The following ZFPM1 variants were observed in gnomAD, a reference collection of about 807,000 sequenced individuals.
ZFPM1 encodes the protein zinc finger protein, FOG family member 1, also known as zinc finger protein ZFPM1.
Under a neutral mutation model 46.3 loss-of-function variants are expected in ZFPM1, and 28 were observed. The observed-to-expected ratio is 0.60, with a 90% CI of 0.45 to 0.83. The LOEUF (loss-of-function observed/expected upper bound fraction) is 0.83. Ranked by LOEUF, ZFPM1 falls within the 40% of genes least tolerant of loss-of-function variation. ZFPM1 has a pLI of 0.00. For missense variants in ZFPM1, 1,878 were observed against 1,432.4 expected, an observed-to-expected ratio of 1.31 and a Z score of -5.02; for synonymous variants, 957 against 675.9, an observed-to-expected ratio of 1.42 and a Z score of -6.45.
At chr16:88,494,674 G>T (rs1567538263) in intron 3 of ZFPM1, among the ~76,000 whole-genome samples, 1 of 152,168 alleles carries the variant, frequency 6.6e-6, no homozygotes, top group African/African-American at 2.4e-5. Context: ...AGGCCGCAGG[G>T]CCTGAGTGGG....
intron 1 of ZFPM1, among the ~76,000 whole-genome samples, chr16:88,481,615 C>A (rs76923707): frequency 6.2e-4 from 95 of 152,192 alleles, no homozygotes; most frequent in Non-Finnish European, 9.7e-4. Flanking sequence ...TCCACTCCAC[C>A]CTGCCACAGC....
chr16:88,484,128 G>C (rs543291591), intron 1 of ZFPM1, among the ~76,000 whole-genome samples: 1 of 152,346 alleles, frequency 6.6e-6, no homozygotes, highest in South Asian at 2.1e-4. Flanking sequence ...GGGATCATGA[G>C]GGGCTGTGAA....
chr16:88,534,569 G>C lies in ZFPM1; in HGVS notation c.2611G>C (p.Glu871Gln), dbSNP rs1913129147. ...CGGCCCGGTGCGCGGGGACCTGCTG[G>C]AGCATTTCCGCCTGGCGCACGGCCT... ...PNGPVRGDLL[E>Q]HFRLAHGLLL... Residue 871 changes from glutamate (E) to glutamine (Q), a missense_variant, in exon 10 of 10, where the codon GAG (glutamate) becomes CAG (glutamine). Physicochemically the swap from Glu to Gln is conservative, Grantham distance 29 (BLOSUM62 2). Transcript: ENST00000319555. 1 of 1,308,698 alleles carries C rather than the reference G, an allele frequency of 7.6e-7. No individual in the cohort carries two copies. Among genetic ancestry groups the C allele is most frequent in the African/African-American group, 1.6e-5 (1 of 63,508 alleles). 81.1% of individuals were successfully genotyped at this position (1,308,698 alleles called of 1,614,324 possible).
intron 3 of ZFPM1, among the ~76,000 whole-genome samples, chr16:88,493,629 GTCCCGGGGTGCGGTGAGC>G (rs1385293987): frequency 2.6e-4 from 27 of 105,018 alleles, no homozygotes; most frequent in Non-Finnish European, 5.1e-4. Flanking sequence ...ACAGAGAGCT[GTCCCGGGGTGCGGTGAGC>G]TGTCCCGGGG....
intron 1 of ZFPM1, among the ~76,000 whole-genome samples, 157 bp downstream of exon 1, chr16:88,453,835 A>G (rs1250879246): frequency 6.6e-6 from 1 of 151,350 alleles, no homozygotes; most frequent in Non-Finnish European, 1.5e-5. Context: ...GCCGTAATCT[A>G]ATCTCCGCCG....
intron 3 of ZFPM1, among the ~76,000 whole-genome samples, chr16:88,502,402 A>G (rs1408344040): frequency 6.6e-6 from 1 of 151,262 alleles, no homozygotes; most frequent in Non-Finnish European, 1.5e-5. Context: ...CCTCTGCCCC[A>G]TAGGCCTGAC....
Position 88,453,550 on chromosome 16 carries a change from G to T in ZFPM1, c.-89G>T. 3 of 646,932 alleles carry T rather than the reference G, an allele frequency of 4.6e-6. No homozygotes were observed. Among genetic ancestry groups the T allele is most frequent in the Non-Finnish European group, 5.7e-6 (3 of 524,026 alleles). The allele number at this position is 646,932 out of a possible 1,614,324, so 40.1% of individuals were successfully genotyped here. On this transcript the variant is annotated 5_prime_UTR_variant, in exon 1 of 10. Transcript: ENST00000319555. ...GAGACCGGGGGCCGGGGGCATGAGC[G>T]GCCCCGCGGCCCCGCCGCGCCCCCG... is the stretch of plus-strand genomic sequence containing the variant.
intron 4 of ZFPM1, among the ~76,000 whole-genome samples, chr16:88,519,512 A>G (rs1394324359): frequency 6.8e-6 from 1 of 146,480 alleles, no homozygotes; most frequent in Non-Finnish European, 1.5e-5. Context: ...GGGTGGGTAG[A>G]TAGATGAATG....
rs1908333355 is a variant in ZFPM1, at chr16:88,469,859, T to C, written c.41-16080T>C. On this transcript the variant is annotated intron_variant, in intron 1 of 9. Transcript: ENST00000319555. The surrounding 1 kb of genome is among the most constrained non-coding windows in gnomAD (Gnocchi z 4.3). Reference sequence around the variant, plus strand: ...TTGGCCAGGGCCCCACCCCCTAACGTGGGGTGCAGTGCCTCTCACGTGGTG... The same window carrying C: ...TTGGCCAGGGCCCCACCCCCTAACGCGGGGTGCAGTGCCTCTCACGTGGTG... Among the ~76,000 whole-genome samples, 1 of 151,666 alleles carries C rather than the reference T, an allele frequency of 6.6e-6. No individual in the cohort carries two copies. Among genetic ancestry groups the C allele is most frequent in the African/African-American group, 2.4e-5 (1 of 41,216 alleles).
In ZFPM1 at chr16:88,514,540, GC is replaced by G; in HGVS notation, c.402+24del. 1 of 1,201,632 alleles carries G rather than the reference GC, an allele frequency of 8.3e-7. No individual in the cohort carries two copies. 74.4% of individuals were successfully genotyped at this position (1,201,632 alleles called of 1,614,324 possible). A position where few individuals can be genotyped will look rare whatever the true frequency, so the allele number is the denominator to read the frequency against. On this transcript the variant is annotated intron_variant, in intron 4 of 9. Coordinates refer to ENST00000319555, the MANE Select transcript of ZFPM1 (RefSeq NM_153813.3). Reference sequence around the variant, plus strand: ...GAGCCGGTAAGAAGCCCCCATCCCCGCCCCTGCCCGCCCACCCCAATGCAGG... The same window carrying G: ...GAGCCGGTAAGAAGCCCCCATCCCCGCCCTGCCCGCCCACCCCAATGCAGG...
chr16:88,533,772 C>A lies in ZFPM1; in HGVS notation c.1814C>A (p.Ala605Glu). 7.2e-7 allele frequency: 1 copy of A among 1,392,188 alleles called. No individual in the cohort carries two copies. Among genetic ancestry groups the A allele is most frequent in the Admixed American group, 2.8e-5 (1 of 35,418 alleles). The allele number at this position is 1,392,188 out of a possible 1,614,324, so 86.2% of individuals were successfully genotyped here. The change falls in exon 10 of 10, where the codon GCG becomes GAG. Residue 605 changes from alanine to glutamate, a missense_variant. Ala to Glu is a moderately radical substitution (Grantham distance 107). Transcript: ENST00000319555. ...CGCCTCTACTGTTCAGGCCGCCGTG[C>A]GCCCGAGGACGCGCCTGCCGCGCGC... ...HKRLYCSGRR[A>E]PEDAPAARRP...
intron 3 of ZFPM1, among the ~76,000 whole-genome samples, chr16:88,492,214 T>C (rs1909622197): frequency 6.6e-6 from 1 of 151,822 alleles, no homozygotes; most frequent in African/African-American, 2.4e-5. Flanking sequence ...TCTCTCTCCA[T>C]GCCTCTCTCC....
At chr16:88,520,038 C>G (rs1911707157) in intron 4 of ZFPM1, among the ~76,000 whole-genome samples, 1 of 143,306 alleles carries the variant, frequency 7.0e-6, no homozygotes, top group African/African-American at 2.6e-5. Flanking sequence ...GGAGGATAAC[C>G]AGGTGGATGT....
rs1371582828 is a variant in ZFPM1, at chr16:88,520,731, A to AGATG, written c.403-6069_403-6066dup. On this transcript the variant is annotated intron_variant, in intron 4 of 9. Transcript: ENST00000319555. The stretch of plus-strand genomic sequence containing the variant: ...TGGGTGGATGGAGGGATGGGTGGGT[A>AGATG]GATGGATGGATGGATGGGAGGGTGG... Among the ~76,000 whole-genome samples, 19 of 32,906 alleles carry AGATG rather than the reference A, an allele frequency of 5.8e-4. No individual in the cohort carries two copies. The South Asian group carries it at 7.0e-3, about 12-fold the overall frequency. 21.6% of individuals were successfully genotyped at this position (32,906 alleles called of 152,430 possible).
intron 3 of ZFPM1, among the ~76,000 whole-genome samples, chr16:88,496,462 G>C (rs369660110): frequency 5.3e-5 from 8 of 151,988 alleles, no homozygotes; most frequent in African/African-American, 1.9e-4. Context: ...CCCAGACCCC[G>C]CCCCACCCCC....
At chr16:88,523,089 C>T (rs575185203) in intron 4 of ZFPM1, among the ~76,000 whole-genome samples, 12 of 152,136 alleles carry the variant, frequency 7.9e-5, no homozygotes, top group African/African-American at 2.9e-4. Context: ...GCCTGTAATC[C>T]CAGCTACTCG....
At chr16:88,481,907 A>G (rs779977113) in intron 1 of ZFPM1, among the ~76,000 whole-genome samples, 2 of 152,188 alleles carry the variant, frequency 1.3e-5, no homozygotes, top group African/African-American at 2.4e-5. Flanking sequence ...GTTCATGTTC[A>G]CTGAGCACCT....
intron 3 of ZFPM1, among the ~76,000 whole-genome samples, chr16:88,506,690 G>A (rs1910679308): frequency 1.3e-5 from 2 of 151,962 alleles, no homozygotes; most frequent in Admixed American, 1.3e-4. Flanking sequence ...TCCTGGGTGT[G>A]CAGCTCCCAG....
intron 5 of ZFPM1, among the ~76,000 whole-genome samples, chr16:88,527,313 G>A (rs12925471): frequency 0.14 from 20,696 of 152,244 alleles, 1,608 homozygotes; most frequent in East Asian, 0.34. Flanking sequence ...CCTCCATGTC[G>A]TCAGGCTGGC....
Sources: gnomAD v4.1 joint callset for allele counts (sites outside exome capture counted in the v4.1 genomes callset) on GRCh38, gnomAD v4.1.1 for gene constraint, Gnocchi (gnomAD v3.1) non-coding constraint, MANE v1.5 for transcripts, NCBI Gene and HGNC (gene_info 2026-07-23, HGNC 2026-07-21) for gene names.